COL4A1: variants seen among roughly 807,000 people sequenced by gnomAD.
The protein encoded by COL4A1 is collagen alpha-1(IV) chain.
In COL4A1, 40 loss-of-function variants were observed where a neutral mutation model predicts 216.6. That is an observed-to-expected ratio of 0.18 (90% CI 0.14 to 0.24). COL4A1 has a LOEUF of 0.24. COL4A1 is among the 10% of genes least tolerant of loss of function. COL4A1 has a pLI of 1.00. For synonymous variants in COL4A1, 839 were observed against 810.7 expected (o/e 1.03, Z -0.59); for missense variants, 1,628 against 2,196.8 (o/e 0.74, Z 5.18).
intron 49 of COL4A1, among the ~76,000 whole-genome samples, chr13:110,156,548 A>G (rs1876796193): frequency 1.3e-5 from 2 of 152,184 alleles, no homozygotes; most frequent in African/African-American, 4.8e-5. Flanking sequence ...CAAGGACAGG[A>G]TGCCTCCCAA....
At chr13:110,229,719 G>A (rs2139229626) in intron 2 of COL4A1, among the ~76,000 whole-genome samples, 2 of 152,314 alleles carry the variant, frequency 1.3e-5, no homozygotes, top group Admixed American at 6.5e-5. Context: ...AGCCGACCTC[G>A]AATCTGCTGG....
At chr13:110,175,146 G>A in intron 37 of COL4A1, 72 bp downstream of exon 37, 1 of 1,570,876 alleles carries the variant, frequency 6.4e-7, no homozygotes, top group Admixed American at 1.7e-5. Context: ...TGAGATATTT[G>A]CTGAGCATTT....
intron 17 of COL4A1, 82 bp from the exon 18 acceptor site, chr13:110,203,689 G>A (rs1043917055): frequency 7.1e-7 from 1 of 1,412,576 alleles, no homozygotes; most frequent in African/African-American, 1.4e-5. Flanking sequence ...ATTTCTTCTG[G>A]TAAAATAGAG....
chr13:110,190,584 C>G (rs1048366015), intron 24 of COL4A1, among the ~76,000 whole-genome samples: 1 of 152,168 alleles, frequency 6.6e-6, no homozygotes, highest in Non-Finnish European at 1.5e-5. Flanking sequence ...AAAATCAGAG[C>G]ATTTCACATT....
At chr13:110,203,461 G>A in intron 18 of COL4A1, 105 bp downstream of exon 18, 2 of 1,304,098 alleles carry the variant, frequency 1.5e-6, no homozygotes, top group Non-Finnish European at 2.2e-6. Context: ...CGCTCTCACA[G>A]ACCCAGGGTC....
At chr13:110,232,514 T>A (rs61963290) in intron 2 of COL4A1, among the ~76,000 whole-genome samples, 10,717 of 152,272 alleles carry the variant, frequency 0.07, 454 homozygotes, top group Non-Finnish European at 0.1. Context: ...TTTGTCAGGG[T>A]TTGTTTTATG....
chr13:110,191,457 A>C lies in COL4A1; in HGVS notation c.1536+757T>G, dbSNP rs193023366. 6.9e-6 allele frequency: 3 copies of C among 432,118 alleles called. No individual in the cohort carries two copies. The Admixed American group carries it at 1.3e-4, about 18-fold the overall frequency. The allele number at this position is 432,118 out of a possible 1,614,324, so 26.8% of individuals were successfully genotyped here. A position where few individuals can be genotyped will look rare whatever the true frequency, so the allele number is the denominator to read the frequency against. On this transcript the variant is annotated intron_variant, in intron 24 of 51. Transcript: ENST00000375820. ...GAGAGGAACAATGCCTTGAGATTTC[A>C]AAACTTCAGAAACAGAAGTCATTAT...
At position 110,180,544 on chromosome 13, in the gene COL4A1, T is replaced by C. The variant is rs567421516; in HGVS notation, c.2193+748A>G. Among the ~76,000 whole-genome samples, 8 of 152,372 alleles carry C rather than the reference T, an allele frequency of 5.3e-5. No homozygotes were observed. In the South Asian group the frequency reaches 1.7e-3, roughly 32 times the overall value. On this transcript the variant is annotated intron_variant, in intron 29 of 51. Transcript: ENST00000375820. ...AACGTTTATCGATGGCCGTTGGCCC[T>C]TTCTCCCGTTTGGTACCAATGCCTT...
rs1347838801 is a variant in COL4A1, at chr13:110,173,940, A to G, written c.3465T>C (p.Ser1155=). The G allele has an allele frequency of 1.9e-6, 3 of 1,614,074 alleles. No homozygotes were observed. In the African/African-American group the frequency reaches 4.0e-5, roughly 22 times the overall value. Residue 1155 remains serine (S), a synonymous_variant, in exon 40 of 52, where the codon AGT becomes AGC. Coordinates refer to ENST00000375820, the MANE Select transcript of COL4A1 (RefSeq NM_001845.6). ...CTCCTGCTGACCCCGGGATTCCATC[A>G]CTGCCTGGCTCCCCTTTCTGGCCAG... ...GPAGQKGEPG[S]DGIPGSAGEK... is the part of the protein sequence containing the mutation.
At chr13:110,192,066 GA>G (rs1878653238) in intron 24 of COL4A1, 147 bp downstream of exon 24, 1 of 773,128 alleles carries the variant, frequency 1.3e-6, no homozygotes, top group Non-Finnish European at 2.2e-6. Context: ...GGGCCGCATG[GA>G]GTCACTCCAG....
chr13:110,244,123 A>G (rs1173270940), intron 1 of COL4A1, among the ~76,000 whole-genome samples: 1 of 152,216 alleles, frequency 6.6e-6, no homozygotes. Flanking sequence ...TTTCCTGAAA[A>G]TAAAATCATG....
At chr13:110,250,410 C>G (rs926202282) in intron 1 of COL4A1, among the ~76,000 whole-genome samples, 1 of 152,134 alleles carries the variant, frequency 6.6e-6, no homozygotes, top group African/African-American at 2.4e-5. Flanking sequence ...CTTGGCTTCT[C>G]TTAGGAACAA....
chr13:110,192,182 A>G, intron 24 of COL4A1, 32 bp downstream of exon 24: 8 of 1,610,744 alleles, frequency 5.0e-6, no homozygotes, highest in Middle Eastern at 1.7e-4. Context: ...GCAACTTCTG[A>G]TATGTACATG....
intron 2 of COL4A1, among the ~76,000 whole-genome samples, chr13:110,229,876 A>G (rs1351867042): frequency 6.6e-6 from 1 of 152,206 alleles, no homozygotes; most frequent in Non-Finnish European, 1.5e-5. Context: ...GTAAAATGTC[A>G]GTAATTTCCT....
At position 110,260,132 on chromosome 13, in the gene COL4A1, G is replaced by A. The variant is rs542035600; in HGVS notation, c.85-17398C>T. Among the ~76,000 whole-genome samples, 3 of 152,112 alleles carry A rather than the reference G, an allele frequency of 2.0e-5. No individual in the cohort carries two copies. In the South Asian group the frequency reaches 6.2e-4, roughly 32 times the overall value. On this transcript the variant is annotated intron_variant, in intron 1 of 51. Transcript: ENST00000375820. ...GCTAATAAAGACATACCCAAGACTG[G>A]GTAATTTATAAAGAAAAAAGGTTTA...
At position 110,177,890 on chromosome 13, in the gene COL4A1, G is replaced by C; in HGVS notation, c.2668C>G (p.Pro890Ala). Residue 890 changes from proline (P) to alanine (A), a missense_variant, in exon 33 of 52, where the codon CCG becomes GCG. Physicochemically the swap from Pro to Ala is conservative, Grantham distance 27. Around this residue, in one of 8 missense-constraint regions of COL4A1, gnomAD observed 701 missense variants for 892.5 expected, o/e 0.79. Coordinates refer to ENST00000375820, the MANE Select transcript of COL4A1 (RefSeq NM_001845.6). ...EMGVMGTPGQ[P>A]GSPGPVGAPG... is the part of the protein sequence containing the mutation. ...GCACCCACTGGTCCTGGTGAGCCCGGCTGCCCGGGGGTCCCCATGACGCCC... is the reference window on the plus strand; with the variant it reads ...GCACCCACTGGTCCTGGTGAGCCCGCCTGCCCGGGGGTCCCCATGACGCCC... The C allele has an allele frequency of 6.2e-7, 1 of 1,614,156 alleles. No homozygotes were observed. The highest frequency in any genetic ancestry group is 8.5e-7 in the Non-Finnish European group (1 of 1,180,020).
chr13:110,247,197 A>G (rs1479707887), intron 1 of COL4A1, among the ~76,000 whole-genome samples: 3 of 152,182 alleles, frequency 2.0e-5, no homozygotes, highest in Admixed American at 6.5e-5. Context: ...ACAGAGTATA[A>G]TAAGTTGTCT....
chr13:110,176,959 G>A lies in COL4A1; in HGVS notation c.2795C>T (p.Pro932Leu). Reference protein sequence around the residue: ...LKGDKGDVGLPGKPGSMDKVD... With the variant: ...LKGDKGDVGLLGKPGSMDKVD... Reference sequence around the variant, plus strand: ...CTTATCCATGGAGCCAGGCTTGCCAGGGAGACCGACATCCCCCTTATCACC... The same window carrying A: ...CTTATCCATGGAGCCAGGCTTGCCAAGGAGACCGACATCCCCCTTATCACC... Residue 932 changes from proline to leucine, a missense_variant, in exon 34 of 52, where the codon CCT (proline) becomes CTT (leucine). Physicochemically the swap from Pro to Leu is moderately conservative, Grantham distance 98. Around this residue, in one of 8 missense-constraint regions of COL4A1, gnomAD observed 701 missense variants for 892.5 expected, o/e 0.79. Transcript: ENST00000375820. 1 of 1,614,172 alleles carries A rather than the reference G, an allele frequency of 6.2e-7. No homozygotes were observed. Among genetic ancestry groups the A allele is most frequent in the Non-Finnish European group, 8.5e-7 (1 of 1,180,046 alleles).
intron 1 of COL4A1, among the ~76,000 whole-genome samples, chr13:110,254,617 T>C (rs1882430098): frequency 6.6e-6 from 1 of 152,188 alleles, no homozygotes. Flanking sequence ...AAACCAGTGG[T>C]GGCAGTAGGA....
Sources: allele counts gnomAD v4.1 joint callset (sites outside exome capture counted in the v4.1 genomes callset), GRCh38; gene constraint gnomAD v4.1.1; regional missense constraint gnomAD v4.1.1; transcripts MANE v1.5; gene names NCBI Gene and HGNC (gene_info 2026-07-23, HGNC 2026-07-21).